Variants in DHX37 observed in about 807,000 individuals in gnomAD.
DHX37 encodes probable ATP-dependent RNA helicase DHX37.
A neutral mutation model predicts 134.3 loss-of-function variants in DHX37; 52 were observed. That is an observed-to-expected ratio of 0.39 (90% CI 0.31 to 0.49). DHX37 has a LOEUF of 0.49. Among genes scored for constraint, DHX37 ranks in the 20% least tolerant of loss-of-function variants. The pLI is 0.93. For synonymous variants in DHX37, 634 were observed against 670.7 expected, an observed-to-expected ratio of 0.95 and a Z score of 0.85; for missense variants, 1,344 against 1,580.8, an observed-to-expected ratio of 0.85 and a Z score of 2.54.
chr12:124,957,129 T>C lies in DHX37; in HGVS notation c.2164A>G (p.Asn722Asp). The C allele has an allele frequency of 4.0e-6, 6 of 1,498,298 alleles. No homozygotes were observed. Among genetic ancestry groups the C allele is most frequent in the Non-Finnish European group, 4.4e-6 (5 of 1,126,454 alleles). 92.8% of individuals were successfully genotyped at this position (1,498,298 alleles called of 1,614,324 possible). ...MKALNVEKVI[N>D]FPFPTPPSVE... ...GAGGGGGGCGTCGGGAAGGGGAAGT[T>C]GATGACCTGGGACACAAGGAGACGT... The change falls in exon 17 of 27, where the codon AAC becomes GAC. Residue 722 changes from asparagine to aspartate, a missense_variant. Coordinates refer to ENST00000308736, the MANE Select transcript of DHX37 (RefSeq NM_032656.4).
Position 124,952,418 on chromosome 12 carries a change from T to C in DHX37, c.2848A>G (p.Lys950Glu), listed in dbSNP as rs552353272. The change falls in exon 21 of 27, where the codon AAG becomes GAG. Residue 950 changes from lysine to glutamate, a missense_variant. By Grantham distance (56) the Lys-to-Glu change is moderately conservative (BLOSUM62 1). Coordinates refer to ENST00000308736, the MANE Select transcript of DHX37 (RefSeq NM_032656.4). ...CGCACCTTGTAGGCGTTCCTCCACT[T>C]GTCCTCCAGCATCTCCTCGCTCTGG... ...RVQSEEMLED[K>E]WRNAYKTPLL... 6.2e-7 allele frequency: 1 copy of C among 1,610,164 alleles called. No individual in the cohort carries two copies. Among genetic ancestry groups the C allele is most frequent in the Admixed American group, 1.7e-5 (1 of 59,852 alleles).
rs1404080744 is a variant in DHX37 at position 124,960,491 on chromosome 12, G to A, written c.2046-68C>T. 2.5e-6 allele frequency: 4 copies of A among 1,578,818 alleles called. No individual in the cohort carries two copies. The South Asian group carries it at 3.4e-5, about 13-fold the overall frequency. ...CAAAAACCACAGATGAATACAGCCT[G>A]GGCAGACAGAAACCGGGACAACAAA... On this transcript the variant is annotated intron_variant, in intron 15 of 26. Coordinates refer to ENST00000308736, the MANE Select transcript of DHX37 (RefSeq NM_032656.4).
chr12:124,954,514 C>G (rs1954050902), intron 18 of DHX37, among the ~76,000 whole-genome samples: 1 of 152,020 alleles, frequency 6.6e-6, no homozygotes, highest in South Asian at 2.1e-4. Flanking sequence ...CTGACTCAGC[C>G]TCCCGAGTAG....
intron 13 of DHX37, 21 bp from the exon 14 acceptor site, chr12:124,965,027 A>G: frequency 6.3e-7 from 1 of 1,584,256 alleles, no homozygotes; most frequent in Non-Finnish European, 8.6e-7. Flanking sequence ...AGCAGAGGTC[A>G]CTGGCACCCA....
rs375814148 is a variant in DHX37 at position 124,949,942 on chromosome 12, C to T, written c.3290+44G>A. 62 of 1,562,524 alleles carry T rather than the reference C, an allele frequency of 4.0e-5. No homozygotes were observed. The highest frequency in any genetic ancestry group is 6.8e-5 in the African/African-American group (5 of 73,558). ...AGCCCCGGGGAGGTCATTCAGGCCT[C>T]GGACCCCTCCTGCCCACTGCGAGGC... is the stretch of plus-strand genomic sequence containing the variant. On this transcript the variant is annotated intron_variant, in intron 25 of 26. Transcript: ENST00000308736. This position sits in a 1 kb window ranked among gnomAD's most constrained non-coding sequence, Gnocchi z 4.0.
chr12:124,972,595 C>G lies in DHX37; in HGVS notation c.985G>C (p.Val329Leu). 1.2e-6 allele frequency: 2 copies of G among 1,614,116 alleles called. No homozygotes were observed. Among genetic ancestry groups the G allele is most frequent in the Non-Finnish European group, 1.7e-6 (2 of 1,179,974 alleles). ...CCTTCATACCGGATCTGGTAGGAGA[C>G]GACCCTGTATGGGCAGAGTTCGGGT... ...AKEMNLSQRV[V>L]SYQIRYEGNV... Residue 329 changes from valine (V) to leucine (L), a missense_variant, in exon 7 of 27, where the codon GTC becomes CTC. Physicochemically the swap from Val to Leu is conservative, Grantham distance 32. Transcript: ENST00000308736.
chr12:124,968,447 A>G, intron 10 of DHX37, 87 bp downstream of exon 10: 2 of 1,569,094 alleles, frequency 1.3e-6, no homozygotes, highest in Non-Finnish European at 1.7e-6. Flanking sequence ...TTTCTGAGCC[A>G]CTCGGAGATG....
Position 124,968,664 on chromosome 12 carries a change from G to A in DHX37, c.1294-16C>T, listed in dbSNP as rs1177953515. 6.2e-7 allele frequency: 1 copy of A among 1,613,310 alleles called. No homozygotes were observed. Among genetic ancestry groups the A allele is most frequent in the Admixed American group, 1.7e-5 (1 of 60,008 alleles). Reference sequence around the variant, plus strand: ...TGGATTCCACCTGTGGGACGCCCAGGAAGGCATGGGGAGTGGGGGGGACAC... The same window carrying A: ...TGGATTCCACCTGTGGGACGCCCAGAAAGGCATGGGGAGTGGGGGGGACAC... On this transcript the variant is annotated splice_polypyrimidine_tract_variant and intron_variant, in intron 9 of 26. Transcript: ENST00000308736.
intron 8 of DHX37, among the ~76,000 whole-genome samples, chr12:124,969,921 A>G (rs1594495850): frequency 2.4e-3 from 2 of 818 alleles, no homozygotes; most frequent in African/African-American, 0.028. Context: ...CCTGCCTCGA[A>G]AAAAAAAAAC....
chr12:124,957,485 G>A (rs1260082748), intron 16 of DHX37, among the ~76,000 whole-genome samples: 2 of 152,216 alleles, frequency 1.3e-5, no homozygotes, highest in Non-Finnish European at 2.9e-5. Context: ...TAGTCAGTGA[G>A]GCATAATACG....
chr12:124,971,561 G>A (rs1475477277), intron 7 of DHX37, 146 bp from the exon 8 acceptor site: 23 of 1,329,872 alleles, frequency 1.7e-5, no homozygotes, highest in East Asian at 2.6e-5. Flanking sequence ...TCAGATGCCC[G>A]CAGAGTGGGA....
intron 16 of DHX37, among the ~76,000 whole-genome samples, chr12:124,957,612 C>G (rs1298989629): frequency 6.6e-6 from 1 of 152,000 alleles, no homozygotes; most frequent in African/African-American, 2.4e-5. Flanking sequence ...ATGGTGAAAC[C>G]CCCATCTCTA....
chr12:124,964,979 A>G lies in DHX37; in HGVS notation c.1763T>C (p.Leu588Pro). 6.3e-7 allele frequency: 1 copy of G among 1,598,894 alleles called. No individual in the cohort carries two copies. The highest frequency in any genetic ancestry group is 8.5e-7 in the Non-Finnish European group (1 of 1,174,480). ...CAGAGAGTACAGCGGGAGCACGTGG[A>G]GCGGGAGGGAGGCATCCGGCTGCTC... ...GGEQPDASLP[L>P]HVLPLYSLLA... is the part of the protein sequence containing the mutation. Residue 588 changes from leucine (L) to proline (P), a missense_variant, in exon 14 of 27, where the codon CTC (leucine) becomes CCC (proline). Physicochemically the swap from Leu to Pro is moderately conservative, Grantham distance 98. This residue lies in a region of DHX37 where 289 missense variants were observed against 323.8 expected (regional missense o/e 0.89). Transcript: ENST00000308736.
Position 124,988,967 on chromosome 12 carries a change from C to A in DHX37, c.56G>T (p.Gly19Val). 1 of 1,353,308 alleles carries A rather than the reference C, an allele frequency of 7.4e-7. No individual in the cohort carries two copies. The highest frequency in any genetic ancestry group is 2.2e-5 in the South Asian group (1 of 44,612). 83.8% of individuals were successfully genotyped at this position (1,353,308 alleles called of 1,614,324 possible). The stretch of plus-strand genomic sequence containing the variant: ...CGGCTCGGGGGGGCCCTTCGAGGGT[C>A]CGGGGCCCGCCTGCTGGCGCCCCTT... ...NIKGRQQAGP[G>V]PSKGPPEPPP... The change falls in exon 1 of 27, where the codon GGA becomes GTA. Residue 19 changes from glycine to valine, a missense_variant. Physicochemically the swap from Gly to Val is moderately radical, Grantham distance 109. Around this residue, in one of 7 missense-constraint regions of DHX37, gnomAD observed 319 missense variants for 296.1 expected, o/e 1.08. Transcript: ENST00000308736.
intron 13 of DHX37, 40 bp from the exon 14 acceptor site, chr12:124,965,046 C>G (rs1463979032): frequency 3.8e-6 from 6 of 1,567,180 alleles, no homozygotes; most frequent in Non-Finnish European, 4.3e-6. Flanking sequence ...CAGGCCGGGA[C>G]AGATGCCCAC....
chr12:124,970,776 G>A (rs951679403), intron 8 of DHX37, among the ~76,000 whole-genome samples: 3 of 152,220 alleles, frequency 2.0e-5, no homozygotes, highest in Non-Finnish European at 2.9e-5. Flanking sequence ...CATGTGGAGC[G>A]CAGGCCCCTC....
chr12:124,952,548 A>G lies in DHX37; in HGVS notation c.2718T>C (p.Ala906=). Reference sequence around the variant, plus strand: ...GCATCTTGGGATCCACGAAGAGCTCAGCCTCGGGGCACACGGCATTGACTG... The same window carrying G: ...GCATCTTGGGATCCACGAAGAGCTCGGCCTCGGGGCACACGGCATTGACTG... ...TTAVNAVCPE[A]ELFVDPKMQP... is the part of the protein sequence containing the mutation. Residue 906 remains alanine, a synonymous_variant, in exon 21 of 27, where the codon GCT becomes GCC. Coordinates refer to ENST00000308736, the MANE Select transcript of DHX37 (RefSeq NM_032656.4). 1 of 1,595,628 alleles carries G rather than the reference A, an allele frequency of 6.3e-7. No individual in the cohort carries two copies. Among genetic ancestry groups the G allele is most frequent in the East Asian group, 2.3e-5 (1 of 44,224 alleles).
chr12:124,964,527 A>G lies in DHX37; in HGVS notation c.1912T>C (p.Cys638Arg). 1 of 1,614,090 alleles carries G rather than the reference A, an allele frequency of 6.2e-7. No individual in the cohort carries two copies. The highest frequency in any genetic ancestry group is 8.5e-7 in the Non-Finnish European group (1 of 1,179,912). Residue 638 changes from cysteine to arginine, a missense_variant, in exon 15 of 27, where the codon TGT becomes CGT. Cys to Arg is a radical substitution (Grantham distance 180). Coordinates refer to ENST00000308736, the MANE Select transcript of DHX37 (RefSeq NM_032656.4). ...TIPGIKYVVD[C>R]GKVKKRYYDR... ...TAGTAGCGTTTCTTGACCTTCCCAC[A>G]GTCCACCACGTACTTGATGCCAGGG... is the stretch of plus-strand genomic sequence containing the variant.
chr12:124,972,356 A>C lies in DHX37; in HGVS notation c.1077+147T>G, dbSNP rs1451790716. ...TCAAGAAACTGAGCTTGGAGAGGTT[A>C]AGTAACTCACCCAAAGTCACACAGC... On this transcript the variant is annotated intron_variant, in intron 7 of 26. Coordinates refer to ENST00000308736, the MANE Select transcript of DHX37 (RefSeq NM_032656.4). 6 of 758,304 alleles carry C rather than the reference A, an allele frequency of 7.9e-6. No homozygotes were observed. The Admixed American group carries it at 1.0e-4, about 13-fold the overall frequency. The allele number at this position is 758,304 out of a possible 1,614,324, so 47.0% of individuals were successfully genotyped here.
Sources: allele counts gnomAD v4.1 joint callset (sites outside exome capture counted in the v4.1 genomes callset), GRCh38; gene constraint gnomAD v4.1.1; regional missense constraint gnomAD v4.1.1; non-coding constraint Gnocchi (gnomAD v3.1); transcripts MANE v1.5; gene names NCBI Gene and HGNC (gene_info 2026-07-23, HGNC 2026-07-21).